The following LRRC75A variants were observed in gnomAD, a reference collection of about 807,000 sequenced individuals.
LRRC75A encodes leucine rich repeat containing 75A, also known as leucine-rich repeat-containing protein 75A.
In LRRC75A, 12 loss-of-function variants were observed where a neutral mutation model predicts 26.0. That is an observed-to-expected ratio of 0.46 (90% confidence interval 0.30 to 0.75). LRRC75A has a LOEUF of 0.75. Ranked by LOEUF, LRRC75A falls within the 30% of genes least tolerant of loss-of-function variation. LRRC75A has a pLI of 0.08. For synonymous variants in LRRC75A, 223 were observed against 219.3 expected, an observed-to-expected ratio of 1.02 and a Z score of -0.15; for missense variants, 410 against 486.6, an observed-to-expected ratio of 0.84 and a Z score of 1.48.
At position 16,491,731 on chromosome 17, in the gene LRRC75A, C is replaced by G. The variant is rs2093857865; in HGVS notation, c.246+14G>C. 7.4e-7 allele frequency: 1 copy of G among 1,343,084 alleles called. No homozygotes were observed. Among genetic ancestry groups the G allele is most frequent in the African/African-American group, 1.5e-5 (1 of 64,836 alleles). 83.2% of individuals were successfully genotyped at this position (1,343,084 alleles called of 1,614,324 possible). On this transcript the variant is annotated intron_variant, in intron 1 of 3. Transcript: ENST00000470794. This position sits in a 1 kb window ranked among gnomAD's most constrained non-coding sequence, Gnocchi z 5.9. ...TGGCCCGGCGCGCCCCCCGCGCCCC[C>G]TCCCCGCGCTCACCTGGCGCAGGTG...
At chr17:16,479,644 C>T (rs2093829038) in intron 1 of LRRC75A, among the ~76,000 whole-genome samples, 1 of 152,200 alleles carries the variant, frequency 6.6e-6, no homozygotes, top group South Asian at 2.1e-4. Flanking sequence ...CACTGAATGG[C>T]CTCTACACCC....
At chr17:16,485,681 T>TGTGTGTGTGTGTGTGTGC (rs748088509) in intron 1 of LRRC75A, among the ~76,000 whole-genome samples, 9 of 135,434 alleles carry the variant, frequency 6.6e-5, no homozygotes, top group Admixed American at 1.4e-4. Context: ...CGTGTGTGTG[T>TGTGTGTGTGTGTGTGTGC]GTGTGTGTGT....
At chr17:16,451,754 C>A (rs1047264564) in intron 2 of LRRC75A, among the ~76,000 whole-genome samples, 1 of 150,338 alleles carries the variant, frequency 6.7e-6, no homozygotes, top group African/African-American at 2.4e-5. Flanking sequence ...GCTTTTTTTT[C>A]TTTTTTTTGA....
intron 3 of LRRC75A, chr17:16,446,970 C>A (rs1415579635): frequency 5.4e-6 from 2 of 370,524 alleles, no homozygotes; most frequent in African/African-American, 4.4e-5. Flanking sequence ...GAAGGAGGCA[C>A]CAGAGTTCTT....
In LRRC75A at chr17:16,464,475, C is replaced by G. The variant is rs116233284; in HGVS notation, c.247-2089G>C. Among the ~76,000 whole-genome samples, 631 of 152,314 alleles carry G rather than the reference C, an allele frequency of 4.1e-3. 3 individuals carry two copies. Among genetic ancestry groups the G allele is most frequent in the African/African-American group, 0.014 (598 of 41,574 alleles). Reference sequence around the variant, plus strand: ...ATCTGTAAAACGGGGACAGTGACCCCAGCATCACAAGGAGGCAAGGGGAAC... The same window carrying G: ...ATCTGTAAAACGGGGACAGTGACCCGAGCATCACAAGGAGGCAAGGGGAAC... On this transcript the variant is annotated intron_variant, in intron 1 of 3. Coordinates refer to ENST00000470794, the MANE Select transcript of LRRC75A (RefSeq NM_001113567.3).
intron 2 of LRRC75A, among the ~76,000 whole-genome samples, chr17:16,459,443 C>A (rs1169063218): frequency 1.3e-5 from 2 of 152,150 alleles, no homozygotes; most frequent in Non-Finnish European, 2.9e-5. Context: ...GCAGCGACGT[C>A]CCTAAGATAG....
chr17:16,486,945 G>A (rs75559610), intron 1 of LRRC75A, among the ~76,000 whole-genome samples: 9,211 of 152,212 alleles, frequency 0.061, 312 homozygotes, highest in Non-Finnish European at 0.07. Context: ...ACATCTTCAC[G>A]GCACACAGAC....
At chr17:16,450,942 A>G (rs1001032589) in intron 2 of LRRC75A, among the ~76,000 whole-genome samples, 1 of 152,126 alleles carries the variant, frequency 6.6e-6, no homozygotes, top group African/African-American at 2.4e-5. Context: ...GGCTCAAGAC[A>G]AGAAGTGGGT....
intron 1 of LRRC75A, among the ~76,000 whole-genome samples, chr17:16,490,464 G>A (rs2093854958): frequency 6.6e-6 from 1 of 152,134 alleles, no homozygotes; most frequent in Non-Finnish European, 1.5e-5. Flanking sequence ...GCAGCGTCTC[G>A]GGCATCATTC....
chr17:16,451,981 T>G (rs2093635446), intron 2 of LRRC75A, among the ~76,000 whole-genome samples: 2 of 150,678 alleles, frequency 1.3e-5, no homozygotes, highest in South Asian at 4.2e-4. Context: ...TCTCCTGACC[T>G]TGTGATCCGC....
At chr17:16,479,275 A>T (rs1207957744) in intron 1 of LRRC75A, among the ~76,000 whole-genome samples, 1 of 152,232 alleles carries the variant, frequency 6.6e-6, no homozygotes, top group Non-Finnish European at 1.5e-5. Flanking sequence ...ATTCAAGAGA[A>T]AGAGGGCAAG....
chr17:16,469,118 T>C (rs971162609), intron 1 of LRRC75A, among the ~76,000 whole-genome samples: 1 of 152,208 alleles, frequency 6.6e-6, no homozygotes, highest in African/African-American at 2.4e-5. Context: ...CTGTGTCTTC[T>C]GGATTTATCT....
At chr17:16,444,218 C>T in intron 3 of LRRC75A, 87 bp from the exon 4 acceptor site, 1 of 1,139,718 alleles carries the variant, frequency 8.8e-7, no homozygotes, top group South Asian at 1.6e-5. Context: ...GCTCGGCTCT[C>T]CGACGCTAGG....
chr17:16,464,640 C>A (rs528644343), intron 1 of LRRC75A, among the ~76,000 whole-genome samples: 10 of 152,356 alleles, frequency 6.6e-5, no homozygotes, highest in Admixed American at 3.9e-4. Flanking sequence ...GGACCACAGA[C>A]CCAATTGAGA....
At chr17:16,456,142 AGAG>A (rs1568960371) in intron 2 of LRRC75A, among the ~76,000 whole-genome samples, 3 of 125,654 alleles carry the variant, frequency 2.4e-5, no homozygotes, top group Admixed American at 7.7e-5. Flanking sequence ...AGGAGGAGGA[AGAG>A]GAGGGAGAGG....
At chr17:16,447,799 C>A in intron 3 of LRRC75A, 46 bp downstream of exon 3, 1 of 1,323,764 alleles carries the variant, frequency 7.6e-7, no homozygotes, top group Non-Finnish European at 1.0e-6. Flanking sequence ...TGCCCTGTAA[C>A]ACACACTCAG....
At chr17:16,444,274 A>T in intron 3 of LRRC75A, 143 bp from the exon 4 acceptor site, 1 of 679,294 alleles carries the variant, frequency 1.5e-6, no homozygotes, top group East Asian at 2.7e-5. Context: ...ACAAGTGCAG[A>T]GGTGGGAGCA....
chr17:16,478,999 A>T (rs1342251037), intron 1 of LRRC75A, among the ~76,000 whole-genome samples: 1 of 152,218 alleles, frequency 6.6e-6, no homozygotes, highest in Admixed American at 6.5e-5. Context: ...AGAGGCAAGG[A>T]TATGAACAGT....
At position 16,443,892 on chromosome 17, in the gene LRRC75A, C is replaced by T. The variant is rs1310665093; in HGVS notation, c.731G>A (p.Arg244Gln). The T allele has an allele frequency of 6.2e-6, 10 of 1,613,218 alleles. No individual in the cohort carries two copies. The highest frequency in any genetic ancestry group is 3.3e-5 in the Admixed American group (2 of 59,990). The change falls in exon 4 of 4, where the codon CGG (arginine) becomes CAG (glutamine). Residue 244 changes from arginine to glutamine, a missense_variant. Arg to Gln is a conservative substitution (Grantham distance 43, BLOSUM62 1). Transcript: ENST00000470794. ...GTCAGTGAGGTCGCGCAGCACGGCC[C>T]GGGTCAACCGGTTGCCATTGAGTGC... ...TLALNGNRLT[R>Q]AVLRDLTDIL...
Sources: gnomAD v4.1 joint callset for allele counts (sites outside exome capture counted in the v4.1 genomes callset) on GRCh38, gnomAD v4.1.1 for gene constraint, Gnocchi (gnomAD v3.1) non-coding constraint, MANE v1.5 for transcripts, NCBI Gene and HGNC (gene_info 2026-07-23, HGNC 2026-07-21) for gene names.